The following INTS7 variants were observed in gnomAD, a reference collection of about 807,000 sequenced individuals.
INTS7 encodes the protein integrator complex subunit 7, also known as chromosome 1 open reading frame 73.
In INTS7, 46 loss-of-function variants were observed where a neutral mutation model predicts 109.2. That is an observed-to-expected ratio of 0.42 (90% confidence interval 0.33 to 0.54). The LOEUF (loss-of-function observed/expected upper bound fraction) is 0.54. Ranked by LOEUF, INTS7 falls within the 20% of genes least tolerant of loss-of-function variation. The pLI, the probability that INTS7 is intolerant of heterozygous loss-of-function variation, is 0.07. For missense variants in INTS7, 929 were observed against 1,132.4 expected (o/e 0.82, Z 2.58); for synonymous variants, 412 against 402.9 (o/e 1.02, Z -0.27).
intron 16 of INTS7, 194 bp downstream of exon 16, chr1:211,966,236 C>T: frequency 2.6e-6 from 1 of 390,230 alleles, no homozygotes; most frequent in Non-Finnish European, 4.6e-6. Context: ...TCCATGTTAA[C>T]TTTTTGAAAA....
At position 211,946,657 on chromosome 1, in the gene INTS7, G is replaced by A. The variant is rs761355872; in HGVS notation, c.2365C>T (p.Leu789Phe). 1 of 1,613,452 alleles carries A rather than the reference G, an allele frequency of 6.2e-7. No homozygotes were observed. The highest frequency in any genetic ancestry group is 8.5e-7 in the Non-Finnish European group (1 of 1,179,598). ...TGGAAAAAATATCTCTGGAAAGAAA[G>A]GGGAACTTTCAGCAAAGCAATGATG... Reference protein sequence around the residue: ...NAIIALLKVPLSFQRYFFQKL... With the variant: ...NAIIALLKVPFSFQRYFFQKL... Residue 789 changes from leucine (L) to phenylalanine (F), a missense_variant, in exon 18 of 20, where the codon CTT (leucine) becomes TTT (phenylalanine). By Grantham distance (22) the Leu-to-Phe change is conservative (BLOSUM62 0). This residue lies in a region of INTS7 where 787 missense variants were observed against 901.1 expected (regional missense o/e 0.87). Transcript: ENST00000366994. The surrounding 1 kb of genome is among the most constrained non-coding windows in gnomAD (Gnocchi z 4.3).
chr1:211,975,349 C>T lies in INTS7; in HGVS notation c.1632G>A (p.Glu544=). 1 of 1,613,938 alleles carries T rather than the reference C, an allele frequency of 6.2e-7. No individual in the cohort carries two copies. The highest frequency in any genetic ancestry group is 1.1e-5 in the South Asian group (1 of 91,060). ...SRMGNHDMAK[E]LYQSLLTQVA... ...CCTGAGTCAGCAAACTCTGATAAAG[C>T]TCTTTGGCCATGTCATGATTACCCT... Residue 544 remains glutamate, a synonymous_variant, in exon 13 of 20, where the codon GAG becomes GAA. Transcript: ENST00000366994.
chr1:212,027,167 T>C (rs537613350), intron 1 of INTS7, among the ~76,000 whole-genome samples: 20 of 152,232 alleles, frequency 1.3e-4, no homozygotes, highest in African/African-American at 4.8e-4. Context: ...GGACAGGAGC[T>C]AAGGTGAAAA....
chr1:212,026,269 T>A (rs114369327), intron 1 of INTS7, among the ~76,000 whole-genome samples: 1 of 152,200 alleles, frequency 6.6e-6, no homozygotes, highest in South Asian at 2.1e-4. Flanking sequence ...TGGGTGATGT[T>A]CCGTAATGCA....
rs897893139 is a variant in INTS7, at chr1:211,946,996, C to T, written c.2317-291G>A. On this transcript the variant is annotated intron_variant, in intron 17 of 19. Coordinates refer to ENST00000366994, the MANE Select transcript of INTS7 (RefSeq NM_015434.4). The surrounding 1 kb of genome is among the most constrained non-coding windows in gnomAD (Gnocchi z 4.3). ...TTCCACATTTCTACAGCGCTCAGAA[C>T]TATCAGTATATTATTAAACAATTAT... 6.6e-5 allele frequency among the ~76,000 whole-genome samples: 10 copies of T among 152,192 alleles called. No homozygotes were observed. Among genetic ancestry groups the T allele is most frequent in the Admixed American group, 6.5e-4 (10 of 15,270 alleles).
At chr1:211,953,065 A>G (rs1221944580) in intron 16 of INTS7, among the ~76,000 whole-genome samples, 4 of 152,252 alleles carry the variant, frequency 2.6e-5, no homozygotes, top group Non-Finnish European at 5.9e-5. Flanking sequence ...AAGATATGTA[A>G]TAACAGGTTA....
chr1:211,991,519 T>C (rs1665145977), intron 7 of INTS7, among the ~76,000 whole-genome samples: 1 of 152,286 alleles, frequency 6.6e-6, no homozygotes, highest in East Asian at 1.9e-4. Context: ...ACAGTCATTA[T>C]ACATCCTTTT....
intron 13 of INTS7, among the ~76,000 whole-genome samples, chr1:211,971,915 C>CAAAAAAAAAAGAAAAAAAAA (rs1664189953): frequency 1.3e-5 from 1 of 79,820 alleles, no homozygotes; most frequent in African/African-American, 4.9e-5. Flanking sequence ...AACTCAGTCT[C>CAAAAAAAAAAGAAAAAAAAA]AAAAAAAAAA....
At chr1:212,020,051 T>C in intron 3 of INTS7, 71 bp downstream of exon 3, 6 of 1,089,100 alleles carry the variant, frequency 5.5e-6, no homozygotes, top group Non-Finnish European at 7.5e-6. Flanking sequence ...AAAATGTAAA[T>C]ACACTGCCTT....
chr1:211,944,483 G>A (rs1662763942), intron 19 of INTS7, among the ~76,000 whole-genome samples: 1 of 152,160 alleles, frequency 6.6e-6, no homozygotes, highest in South Asian at 2.1e-4. Flanking sequence ...CAATTCAGGG[G>A]TCTACGGTTA....
At chr1:212,002,301 A>C (rs1336262746) in intron 7 of INTS7, among the ~76,000 whole-genome samples, 1 of 152,242 alleles carries the variant, frequency 6.6e-6, no homozygotes, top group Non-Finnish European at 1.5e-5. Flanking sequence ...TGCCTCTTAA[A>C]TGTTCTCCCG....
At chr1:211,947,907 C>T (rs1662912428) in intron 17 of INTS7, among the ~76,000 whole-genome samples, 1 of 152,196 alleles carries the variant, frequency 6.6e-6, no homozygotes, top group South Asian at 2.1e-4. Flanking sequence ...TTCTTTATTA[C>T]TATTTTAATT....
intron 5 of INTS7, among the ~76,000 whole-genome samples, chr1:212,010,755 A>G (rs1666132719): frequency 1.3e-5 from 2 of 152,312 alleles, no homozygotes; most frequent in South Asian, 4.1e-4. Flanking sequence ...TACATGTTGT[A>G]TAGGCTTAGA....
intron 7 of INTS7, among the ~76,000 whole-genome samples, chr1:211,995,241 CAG>C (rs1001293374): frequency 6.6e-6 from 1 of 151,966 alleles, no homozygotes; most frequent in Non-Finnish European, 1.5e-5. Context: ...ACAAAGGAAA[CAG>C]AAAGCATTAC....
intron 1 of INTS7, among the ~76,000 whole-genome samples, chr1:212,028,171 T>A (rs1054850018): frequency 2.6e-5 from 4 of 152,210 alleles, no homozygotes; most frequent in Non-Finnish European, 4.4e-5. Flanking sequence ...GATAACTTAT[T>A]TAACTAGCCT....
chr1:212,015,174 C>T (rs1377608494), intron 4 of INTS7, among the ~76,000 whole-genome samples: 1 of 149,236 alleles, frequency 6.7e-6, no homozygotes, highest in Admixed American at 6.6e-5. Context: ...AGTGAGGAGC[C>T]CCTCTGCCCA....
chr1:211,967,985 T>C lies in INTS7; in HGVS notation c.2011-4A>G. 4.8e-6 allele frequency: 7 copies of C among 1,462,712 alleles called. No homozygotes were observed. The highest frequency in any genetic ancestry group is 6.5e-6 in the Non-Finnish European group (7 of 1,071,134). The allele number at this position is 1,462,712 out of a possible 1,614,324, so 90.6% of individuals were successfully genotyped here. ...ATTCTTCCATGGACTGTTTCATCTATAAAAAAAAATCAATTATGACAAACA... is the reference window on the plus strand; with the variant it reads ...ATTCTTCCATGGACTGTTTCATCTACAAAAAAAAATCAATTATGACAAACA... On this transcript the variant is annotated splice_region_variant and splice_polypyrimidine_tract_variant and intron_variant, in intron 14 of 19. Transcript: ENST00000366994.
intron 5 of INTS7, among the ~76,000 whole-genome samples, chr1:212,007,778 T>C (rs1665996843): frequency 6.6e-6 from 1 of 152,192 alleles, no homozygotes; most frequent in African/African-American, 2.4e-5. Context: ...CATATACATA[T>C]ATATACACAA....
At chr1:211,970,072 G>A (rs1369502132) in intron 13 of INTS7, among the ~76,000 whole-genome samples, 1 of 151,990 alleles carries the variant, frequency 6.6e-6, no homozygotes, top group Non-Finnish European at 1.5e-5. Flanking sequence ...TGCTCAGGCT[G>A]GCCTCAAACT....
Sources: gnomAD v4.1 joint callset for allele counts (sites outside exome capture counted in the v4.1 genomes callset) on GRCh38, gnomAD v4.1.1 for gene constraint, gnomAD v4.1.1 regional missense constraint, Gnocchi (gnomAD v3.1) non-coding constraint, MANE v1.5 for transcripts, NCBI Gene and HGNC (gene_info 2026-07-23, HGNC 2026-07-21) for gene names.